The following LRRTM4 variants were observed in gnomAD, a reference collection of about 807,000 sequenced individuals.
LRRTM4 encodes the protein leucine-rich repeat transmembrane neuronal protein 4.
In LRRTM4, 25 loss-of-function variants were observed where a neutral mutation model predicts 47.6. That is an observed-to-expected ratio of 0.53 (90% CI 0.38 to 0.73). LRRTM4 has a LOEUF of 0.73. Ranked by LOEUF, LRRTM4 falls within the 30% of genes least tolerant of loss-of-function variation. The pLI, the probability that LRRTM4 is intolerant of heterozygous loss-of-function variation, is 0.00. For missense variants in LRRTM4, 638 were observed against 713.4 expected (o/e 0.89, Z 1.20); for synonymous variants, 311 against 269.5 (o/e 1.15, Z -1.51).
intron 3 of LRRTM4, among the ~76,000 whole-genome samples, chr2:77,204,337 C>G (rs1165620598): frequency 6.6e-6 from 1 of 151,768 alleles, no homozygotes; most frequent in Non-Finnish European, 1.5e-5. Context: ...AAAGGTAACT[C>G]TTCACTGAAT....
chr2:76,900,142 G>T (rs185023503), intron 3 of LRRTM4, among the ~76,000 whole-genome samples: 1 of 152,146 alleles, frequency 6.6e-6, no homozygotes, highest in African/African-American at 2.4e-5. Context: ...CTTGAGGTGG[G>T]AGATTGGCTT....
intron 3 of LRRTM4, among the ~76,000 whole-genome samples, chr2:77,040,931 G>A (rs1009811989): frequency 1.3e-5 from 2 of 151,356 alleles, no homozygotes; most frequent in South Asian, 2.1e-4. Context: ...ATTTCTTTAT[G>A]AGGACATTCA....
At chr2:76,775,510 A>T (rs1488820510) in intron 3 of LRRTM4, among the ~76,000 whole-genome samples, 1 of 152,158 alleles carries the variant, frequency 6.6e-6, no homozygotes, top group Non-Finnish European at 1.5e-5. Flanking sequence ...ATTTTTTGAC[A>T]ATAGGGACAA....
intron 3 of LRRTM4, among the ~76,000 whole-genome samples, chr2:77,167,293 C>G (rs909189184): frequency 2.0e-5 from 3 of 152,270 alleles, no homozygotes; most frequent in East Asian, 3.9e-4. Context: ...ATTAAAAAGT[C>G]AGGAAACAAC....
chr2:76,991,718 T>C (rs1332385459), intron 3 of LRRTM4, among the ~76,000 whole-genome samples: 2 of 151,702 alleles, frequency 1.3e-5, no homozygotes, highest in Non-Finnish European at 2.9e-5. Context: ...AGAGAAGAGC[T>C]GGTACCAATT....
chr2:77,400,234 TA>T (rs1026726362), intron 3 of LRRTM4, among the ~76,000 whole-genome samples: 2 of 142,490 alleles, frequency 1.4e-5, no homozygotes, highest in African/African-American at 3.1e-5. Flanking sequence ...CCATTCTAAA[TA>T]TTCCTGTTTT....
intron 3 of LRRTM4, among the ~76,000 whole-genome samples, chr2:77,397,660 C>T (rs1673754075): frequency 6.6e-6 from 1 of 151,832 alleles, no homozygotes; most frequent in Non-Finnish European, 1.5e-5. Flanking sequence ...TTACTGATAG[C>T]TATTATCTCC....
intron 3 of LRRTM4, among the ~76,000 whole-genome samples, chr2:76,895,635 A>G (rs1424244916): frequency 6.6e-6 from 1 of 151,980 alleles, no homozygotes; most frequent in Admixed American, 6.6e-5. Context: ...CTACCCATAA[A>G]TCCAGCAAAC....
At chr2:76,920,998 T>C (rs1408418785) in intron 3 of LRRTM4, among the ~76,000 whole-genome samples, 1 of 151,572 alleles carries the variant, frequency 6.6e-6, no homozygotes, top group Non-Finnish European at 1.5e-5. Flanking sequence ...TTATCTTTCA[T>C]TGGAATGGTT....
chr2:77,279,590 T>A (rs1183114395), intron 3 of LRRTM4, among the ~76,000 whole-genome samples: 1 of 151,942 alleles, frequency 6.6e-6, no homozygotes, highest in Non-Finnish European at 1.5e-5. Context: ...ACATATTGCA[T>A]TAGCTTTTAT....
At chr2:77,300,678 C>T (rs1374157903) in intron 3 of LRRTM4, among the ~76,000 whole-genome samples, 2 of 152,124 alleles carry the variant, frequency 1.3e-5, no homozygotes, top group African/African-American at 2.4e-5. Context: ...TGATTAATTA[C>T]TACTTCTTGG....
chr2:76,786,454 G>C (rs1199356613), intron 3 of LRRTM4, among the ~76,000 whole-genome samples: 1 of 151,778 alleles, frequency 6.6e-6, no homozygotes, highest in African/African-American at 2.4e-5. Context: ...TTCTTTCATT[G>C]TCATAGAACT....
At chr2:77,447,563 G>A (rs1358184177) in intron 3 of LRRTM4, among the ~76,000 whole-genome samples, 1 of 152,036 alleles carries the variant, frequency 6.6e-6, no homozygotes, top group East Asian at 1.9e-4. Flanking sequence ...TAACTCACAA[G>A]CTTCAACCAT....
intron 3 of LRRTM4, among the ~76,000 whole-genome samples, chr2:76,781,046 G>C (rs1674355313): frequency 6.6e-6 from 1 of 152,038 alleles, no homozygotes; most frequent in Non-Finnish European, 1.5e-5. Flanking sequence ...GCCCGTGCTT[G>C]GGGGTGCCTC....
intron 3 of LRRTM4, among the ~76,000 whole-genome samples, chr2:77,351,830 C>CTG (rs146489047): frequency 1.3e-5 from 2 of 151,006 alleles, no homozygotes; most frequent in Non-Finnish European, 3.0e-5. Flanking sequence ...CATTTTTTTC[C>CTG]TGTGTGTGTG....
intron 3 of LRRTM4, among the ~76,000 whole-genome samples, chr2:77,289,690 G>A (rs1676765683): frequency 6.6e-6 from 1 of 151,958 alleles, no homozygotes; most frequent in Non-Finnish European, 1.5e-5. Context: ...TACAATGTAG[G>A]CAGATTGATT....
chr2:77,285,486 A>G (rs578101993), intron 3 of LRRTM4, among the ~76,000 whole-genome samples: 2 of 151,914 alleles, frequency 1.3e-5, no homozygotes, highest in Admixed American at 1.3e-4. Context: ...TCATGCCTGT[A>G]ATCCCAGCAC....
intron 3 of LRRTM4, among the ~76,000 whole-genome samples, chr2:77,275,971 A>C (rs1676336735): frequency 6.6e-6 from 1 of 151,866 alleles, no homozygotes. Context: ...TTCAGGAAAT[A>C]ACTAATTTTC....
At position 77,400,111 on chromosome 2, in the gene LRRTM4, T is replaced by C. The variant is rs1673884562; in HGVS notation, c.1551+118207A>G. 2.6e-5 allele frequency among the ~76,000 whole-genome samples: 4 copies of C among 151,916 alleles called. No homozygotes were observed. In the South Asian group the frequency reaches 8.3e-4, roughly 31 times the overall value. Reference sequence around the variant, plus strand: ...ACCACTATTCTACTCACTGCTTCTATGAGATCAACTTTTTTAGATTCCACA... The same window carrying C: ...ACCACTATTCTACTCACTGCTTCTACGAGATCAACTTTTTTAGATTCCACA... On this transcript the variant is annotated intron_variant, in intron 3 of 3. Transcript: ENST00000409884.
Sources: allele counts gnomAD v4.1 joint callset (sites outside exome capture counted in the v4.1 genomes callset), GRCh38; gene constraint gnomAD v4.1.1; transcripts MANE v1.5; gene names NCBI Gene and HGNC (gene_info 2026-07-23, HGNC 2026-07-21).